The following RMDN1 variants were observed in gnomAD, a reference collection of about 807,000 sequenced individuals.
RMDN1 encodes the protein regulator of microtubule dynamics 1, also known as regulator of microtubule dynamics protein 1.
A neutral mutation model predicts 48.9 loss-of-function variants in RMDN1; 48 were observed. The ratio of observed to expected loss-of-function variants is 0.98; its 90% confidence interval spans 0.78 to 1.25. The LOEUF is 1.25. Ranked by LOEUF, RMDN1 falls within the 50% of genes most tolerant of loss-of-function variation. The pLI is 0.00. For missense variants in RMDN1, 418 were observed against 373.4 expected (o/e 1.12, Z -0.98); for synonymous variants, 148 against 132.6 (o/e 1.12, Z -0.80).
At chr8:86,485,307 C>G (rs190241400) in intron 4 of RMDN1, among the ~76,000 whole-genome samples, 6 of 152,294 alleles carry the variant, frequency 3.9e-5, no homozygotes, top group African/African-American at 1.4e-4. Context: ...TGCCTGTAAT[C>G]CCAGCTACTT....
At chr8:86,490,223 C>T (rs984797693) in intron 2 of RMDN1, among the ~76,000 whole-genome samples, 7 of 152,086 alleles carry the variant, frequency 4.6e-5, no homozygotes, top group Admixed American at 1.3e-4. Context: ...ATAATGGCCC[C>T]CAAAGATGCC....
At chr8:86,508,887 G>T, upstream of RMDN1, 6 of 935,052 alleles carry the variant, frequency 6.4e-6, no homozygotes, top group Non-Finnish European at 8.2e-6. Flanking sequence ...CTCTTCAGGC[G>T]CTCTGACTTG....
intron 1 of RMDN1, among the ~76,000 whole-genome samples, chr8:86,507,941 C>CA (rs1469725077): frequency 1.3e-5 from 2 of 152,188 alleles, no homozygotes; most frequent in Non-Finnish European, 2.9e-5. Flanking sequence ...CAAGAATAAA[C>CA]AGAGGCCCAC....
At chr8:86,484,762 T>C (rs1178616963) in intron 5 of RMDN1, 110 bp downstream of exon 5, 3 of 477,692 alleles carry the variant, frequency 6.3e-6, no homozygotes, top group Non-Finnish European at 1.2e-5. Flanking sequence ...ATGGCTCTAC[T>C]CCACTGTTAT....
chr8:86,494,664 G>A (rs1314058026), intron 2 of RMDN1, among the ~76,000 whole-genome samples: 1 of 152,212 alleles, frequency 6.6e-6, no homozygotes, highest in East Asian at 1.9e-4. Context: ...AGGCCTCATA[G>A]AGGCCTAGGA....
intron 2 of RMDN1, chr8:86,503,785 C>A: frequency 2.0e-6 from 1 of 510,294 alleles, no homozygotes; most frequent in Admixed American, 2.5e-5. Flanking sequence ...TGGCCATATT[C>A]TCCATTGTTG....
chr8:86,484,162 C>T (rs1010194158), intron 5 of RMDN1, among the ~76,000 whole-genome samples: 7 of 152,134 alleles, frequency 4.6e-5, no homozygotes, highest in Non-Finnish European at 7.3e-5. Context: ...CAAGCAGAGG[C>T]TTGCTAGAAC....
upstream of RMDN1, among the ~76,000 whole-genome samples, chr8:86,513,325 A>C (rs1820146094): frequency 6.6e-6 from 1 of 152,240 alleles, no homozygotes; most frequent in Admixed American, 6.5e-5. Context: ...TGGTGAGCTG[A>C]GATCGCGCCA....
chr8:86,486,005 G>GTTGT (rs369692561), intron 4 of RMDN1, among the ~76,000 whole-genome samples: 25 of 152,294 alleles, frequency 1.6e-4, no homozygotes, highest in African/African-American at 5.8e-4. Context: ...ACTGAAAAAC[G>GTTGT]TTGTTGTGAA....
chr8:86,478,659 CAGAAAATGAAGGTAGAT>C (rs1038084331), intron 7 of RMDN1: 2 of 422,028 alleles, frequency 4.7e-6, no homozygotes, highest in Admixed American at 8.4e-5. Context: ...AGATTTCAAA[CAGAAAATGAAGGTAGAT>C]TTTAGCCACG....
chr8:86,474,725 T>G, intron 9 of RMDN1, 95 bp downstream of exon 9: 1 of 1,088,066 alleles, frequency 9.2e-7, no homozygotes, highest in Admixed American at 1.8e-5. Context: ...AACAATATTA[T>G]GCATTTAGAA....
intron 2 of RMDN1, chr8:86,504,464 G>C: frequency 4.5e-6 from 7 of 1,555,362 alleles, no homozygotes; most frequent in Non-Finnish European, 6.2e-6. Flanking sequence ...TACTCAACAG[G>C]AATCTTCAAG....
downstream of RMDN1, chr8:86,468,502 G>A (rs73273140): frequency 0.035 from 14,674 of 420,326 alleles, 395 homozygotes; most frequent in African/African-American, 0.092. Context: ...AAAGGACTGC[G>A]TATACCATAA....
chr8:86,478,826 T>G (rs1386932076), intron 7 of RMDN1, 97 bp downstream of exon 7: 1 of 912,518 alleles, frequency 1.1e-6, no homozygotes, highest in Non-Finnish European at 1.8e-6. Context: ...ATTGCTCAAG[T>G]CCCTCACTGA....
Position 86,472,729 on chromosome 8 carries a change from A to AT in RMDN1, c.*1578dup, listed in dbSNP as rs1381115413. The AT allele has an allele frequency of 8.9e-6, 4 of 447,634 alleles. No homozygotes were observed. Among genetic ancestry groups the AT allele is most frequent in the African/African-American group, 6.0e-5 (3 of 49,916 alleles). 27.7% of individuals were successfully genotyped at this position (447,634 alleles called of 1,614,324 possible). On this transcript the variant is annotated 3_prime_UTR_variant, in exon 10 of 10. Coordinates refer to ENST00000406452, the MANE Select transcript of RMDN1 (RefSeq NM_016033.3). ...TTTACTGTTAAGTACTTATGCATGA[A>AT]TAAGTATAAGAAAATAACTGCTTAT...
chr8:86,486,593 G>GCTACAT lies in RMDN1; in HGVS notation c.380_385dup (p.Asp127_Val128dup). 1 of 1,611,654 alleles carries GCTACAT rather than the reference G, an allele frequency of 6.2e-7. No homozygotes were observed. The highest frequency in any genetic ancestry group is 8.5e-7 in the Non-Finnish European group (1 of 1,178,438). Reference sequence around the variant, plus strand: ...CTCTTCTGAGGTTCTGCTAAGCTGAGCTACATCACGTGATGCCCGTGCCAA... The same window carrying GCTACAT: ...CTCTTCTGAGGTTCTGCTAAGCTGAGCTACATCTACATCACGTGATGCCCGTGCCAA... On this transcript the variant is annotated inframe_insertion, in exon 4 of 10. Transcript: ENST00000406452.
At chr8:86,504,304 G>C in intron 2 of RMDN1, 1 of 1,578,944 alleles carries the variant, frequency 6.3e-7, no homozygotes, top group Non-Finnish European at 8.7e-7. Context: ...AGACAACCAG[G>C]AGATGCAAGA....
In RMDN1 at chr8:86,474,878, G is replaced by C; in HGVS notation, c.836C>G (p.Ala279Gly). 1 of 1,613,122 alleles carries C rather than the reference G, an allele frequency of 6.2e-7. No individual in the cohort carries two copies. The highest frequency in any genetic ancestry group is 8.5e-7 in the Non-Finnish European group (1 of 1,179,548). The change falls in exon 9 of 10, where the codon GCT becomes GGT. Residue 279 changes from alanine (A) to glycine (G), a missense_variant. Transcript: ENST00000406452. ...TYLKLHNKKLAAFWLMKAKDY... is the reference protein window; with the variant it reads ...TYLKLHNKKLGAFWLMKAKDY... ...CTTGGCTTTCATTAGCCAGAAAGCA[G>C]CAAGCTTTTTGTTGTGTAGTTTCAA...
chr8:86,472,433 A>G lies in RMDN1; in HGVS notation c.*1875T>C. 1 of 702,580 alleles carries G rather than the reference A, an allele frequency of 1.4e-6. No homozygotes were observed. The highest frequency in any genetic ancestry group is 2.6e-6 in the Non-Finnish European group (1 of 384,970). 43.5% of individuals were successfully genotyped at this position (702,580 alleles called of 1,614,324 possible). ...CCATCCAGCAGAATGCCACATCCCT[A>G]GAAAGACCCACTTCCTGGCCCTTCA... On this transcript the variant is annotated 3_prime_UTR_variant, in exon 10 of 10. Coordinates refer to ENST00000406452, the MANE Select transcript of RMDN1 (RefSeq NM_016033.3).
Sources: gnomAD v4.1 joint callset for allele counts (sites outside exome capture counted in the v4.1 genomes callset) on GRCh38, gnomAD v4.1.1 for gene constraint, MANE v1.5 for transcripts, NCBI Gene and HGNC (gene_info 2026-07-23, HGNC 2026-07-21) for gene names.